SERPINI1: variants seen among roughly 807,000 people sequenced by gnomAD.
SERPINI1 encodes serpin family I member 1.
Under a neutral mutation model 41.1 loss-of-function variants are expected in SERPINI1, and 19 were observed. The ratio of observed to expected loss-of-function variants is 0.46; its 90% CI spans 0.32 to 0.68. SERPINI1 has a LOEUF of 0.68. Ranked by LOEUF, SERPINI1 falls within the 30% of genes least tolerant of loss-of-function variation. The pLI, the probability that SERPINI1 is intolerant of heterozygous loss-of-function variation, is 0.03. For synonymous variants in SERPINI1, 138 were observed against 156.6 expected, an observed-to-expected ratio of 0.88 and a Z score of 0.89; for missense variants, 460 against 479.2, an observed-to-expected ratio of 0.96 and a Z score of 0.37.
At chr3:167,759,400 G>GTGTATATATATATA (rs964402772) in intron 1 of SERPINI1, among the ~76,000 whole-genome samples, 39 of 121,160 alleles carry the variant, frequency 3.2e-4, no homozygotes, top group African/African-American at 1.2e-3. Context: ...AGAAAATGTG[G>GTGTATATATATATA]TATATATATA....
At chr3:167,821,581 TG>T (rs944622031) in intron 6 of SERPINI1, among the ~76,000 whole-genome samples, 12 of 152,226 alleles carry the variant, frequency 7.9e-5, no homozygotes, top group African/African-American at 2.9e-4. Flanking sequence ...ACTCCACACC[TG>T]GCTCGCCCTT....
intron 2 of SERPINI1, 124 bp downstream of exon 2, chr3:167,789,502 A>G (rs985214562): frequency 1.7e-5 from 20 of 1,160,998 alleles, no homozygotes; most frequent in South Asian, 1.6e-4. Context: ...TTGAAATGGT[A>G]TGGCTAGAAG....
At chr3:167,788,014 A>G (rs1367004661) in intron 1 of SERPINI1, among the ~76,000 whole-genome samples, 3 of 152,236 alleles carry the variant, frequency 2.0e-5, no homozygotes, top group Non-Finnish European at 4.4e-5. Context: ...TTCCAAATGC[A>G]TTTGCTCAAT....
At chr3:167,770,301 T>G (rs1189254778) in intron 1 of SERPINI1, among the ~76,000 whole-genome samples, 1 of 152,030 alleles carries the variant, frequency 6.6e-6, no homozygotes, top group African/African-American at 2.4e-5. Flanking sequence ...TTATTTTGAT[T>G]TGAAGTACAA....
At chr3:167,818,183 G>A (rs1712185537) in intron 6 of SERPINI1, among the ~76,000 whole-genome samples, 2 of 151,578 alleles carry the variant, frequency 1.3e-5, no homozygotes, top group South Asian at 2.1e-4. Context: ...ACGCCATCAC[G>A]CCTGGCTAAT....
chr3:167,794,984 T>G (rs978748091), intron 5 of SERPINI1, among the ~76,000 whole-genome samples, 160 bp downstream of exon 5: 6 of 152,172 alleles, frequency 3.9e-5, no homozygotes, highest in Non-Finnish European at 7.4e-5. Flanking sequence ...CTCCTTCTTC[T>G]TTGATTTTCT....
intron 5 of SERPINI1, among the ~76,000 whole-genome samples, chr3:167,798,556 C>A (rs1415471767): frequency 2.0e-5 from 3 of 152,054 alleles, no homozygotes; most frequent in African/African-American, 4.8e-5. Flanking sequence ...TTTTTCATAG[C>A]TATACTCTGT....
chr3:167,812,619 C>T (rs1370873871), intron 6 of SERPINI1, among the ~76,000 whole-genome samples: 2 of 152,138 alleles, frequency 1.3e-5, no homozygotes, highest in Non-Finnish European at 2.9e-5. Context: ...GAATTTAAAC[C>T]CTCCAAGATT....
intron 1 of SERPINI1, among the ~76,000 whole-genome samples, chr3:167,765,283 ATCT>A (rs1726524877): frequency 6.6e-6 from 1 of 152,222 alleles, no homozygotes; most frequent in Non-Finnish European, 1.5e-5. Flanking sequence ...GTTTGCATAC[ATCT>A]TCTGAAATCT....
intron 6 of SERPINI1, among the ~76,000 whole-genome samples, chr3:167,813,757 G>T (rs1711973216): frequency 6.6e-6 from 1 of 152,068 alleles, no homozygotes; most frequent in African/African-American, 2.4e-5. Context: ...ACATCTTTCT[G>T]TCCCCAGAAC....
intron 2 of SERPINI1, 55 bp from the exon 3 acceptor site, chr3:167,790,317 T>C: frequency 7.4e-7 from 1 of 1,346,612 alleles, no homozygotes; most frequent in South Asian, 1.2e-5. Flanking sequence ...TCCACTCTCC[T>C]TGACATTTCA....
intron 1 of SERPINI1, among the ~76,000 whole-genome samples, chr3:167,743,362 G>A (rs974766759): frequency 2.0e-5 from 3 of 152,052 alleles, no homozygotes; most frequent in Admixed American, 1.3e-4. Flanking sequence ...TCATGGTTTT[G>A]GTGAATTATG....
In SERPINI1 at chr3:167,740,038, T is replaced by C. The variant is rs557458113; in HGVS notation, c.-19+4215T>C. Among the ~76,000 whole-genome samples, 16 of 144,968 alleles carry C rather than the reference T, an allele frequency of 1.1e-4. No individual in the cohort carries two copies. In the South Asian group the frequency reaches 3.1e-3, roughly 28 times the overall value. On this transcript the variant is annotated intron_variant, in intron 1 of 8. Coordinates refer to ENST00000446050, the MANE Select transcript of SERPINI1 (RefSeq NM_001122752.2). ...CCTTTTTCTTTTTTTTTTTGCCGCC[T>C]TTTTTTTTTTCTGAGACAGGGTCTG... is the stretch of plus-strand genomic sequence containing the variant.
chr3:167,803,104 A>G (rs1232116051), intron 5 of SERPINI1, among the ~76,000 whole-genome samples: 1 of 151,692 alleles, frequency 6.6e-6, no homozygotes, highest in Non-Finnish European at 1.5e-5. Flanking sequence ...AGGAAGGGGA[A>G]CATCACACTC....
intron 4 of SERPINI1, among the ~76,000 whole-genome samples, chr3:167,793,014 C>T (rs1221587161): frequency 6.6e-6 from 1 of 152,068 alleles, no homozygotes; most frequent in Non-Finnish European, 1.5e-5. Context: ...TGCAGAGTAG[C>T]TTTATTCATC....
chr3:167,771,575 T>C (rs1398768070), intron 1 of SERPINI1, among the ~76,000 whole-genome samples: 1 of 152,228 alleles, frequency 6.6e-6, no homozygotes, highest in African/African-American at 2.4e-5. Flanking sequence ...CTATATACCT[T>C]TTTATAACTT....
chr3:167,761,719 A>C lies in SERPINI1; in HGVS notation c.-19+25896A>C, dbSNP rs149516664. ...TAGTTATGACCCTTCTAATTAAATT[A>C]TAGTTAGAAACTCACTTCTGGGGTG... On this transcript the variant is annotated intron_variant, in intron 1 of 8. Coordinates refer to ENST00000446050, the MANE Select transcript of SERPINI1 (RefSeq NM_001122752.2). Among the ~76,000 whole-genome samples the C allele has an allele frequency of 7.2e-5, 11 of 152,320 alleles. No homozygotes were observed. In the East Asian group the frequency reaches 2.1e-3, roughly 29 times the overall value.
intron 5 of SERPINI1, among the ~76,000 whole-genome samples, chr3:167,799,203 C>T (rs1203737907): frequency 6.6e-6 from 1 of 152,096 alleles, no homozygotes. Flanking sequence ...GGCCCCAACC[C>T]TCCAACAGGC....
At chr3:167,788,011 T>C (rs1727370934) in intron 1 of SERPINI1, among the ~76,000 whole-genome samples, 1 of 152,242 alleles carries the variant, frequency 6.6e-6, no homozygotes, top group African/African-American at 2.4e-5. Flanking sequence ...ATTTTCCAAA[T>C]GCATTTGCTC....
Sources: allele counts gnomAD v4.1 joint callset (sites outside exome capture counted in the v4.1 genomes callset), GRCh38; gene constraint gnomAD v4.1.1; transcripts MANE v1.5; gene names NCBI Gene and HGNC (gene_info 2026-07-23, HGNC 2026-07-21).